Variants in DDHD2 observed in about 807,000 individuals in gnomAD.
DDHD2 encodes DDHD domain containing 2.
Under a neutral mutation model 91.2 loss-of-function variants are expected in DDHD2, and 62 were observed. The ratio of observed to expected loss-of-function variants is 0.68; its 90% confidence interval spans 0.55 to 0.84. The LOEUF (loss-of-function observed/expected upper bound fraction) is 0.84. DDHD2 is among the 40% of genes least tolerant of loss of function. The probability of loss-of-function intolerance (pLI) is 0.00; values close to 1 mark genes in which losing one functional copy is unlikely to be tolerated. For synonymous variants in DDHD2, 271 were observed against 293.9 expected (o/e 0.92, Z 0.80); for missense variants, 740 against 846.9 (o/e 0.87, Z 1.57).
intron 7 of DDHD2, among the ~76,000 whole-genome samples, chr8:38,244,049 C>T (rs1477333880): frequency 2.0e-5 from 3 of 151,624 alleles, no homozygotes; most frequent in Admixed American, 1.3e-4. Flanking sequence ...GTGATCCGCC[C>T]GTCTTGGCCT....
chr8:38,247,085 T>C (rs564486950), intron 9 of DDHD2: 1 of 152,362 alleles, frequency 6.6e-6, no homozygotes, highest in South Asian at 2.1e-4. Context: ...AGAGCAGAGC[T>C]TTTGTCTTAG....
intron 6 of DDHD2, chr8:38,241,944 C>A: frequency 4.4e-6 from 1 of 226,354 alleles, no homozygotes; most frequent in Non-Finnish European, 8.5e-6. Flanking sequence ...ATCCCAGATC[C>A]TCAAGAGGCT....
chr8:38,249,461 T>G (rs567056721), intron 10 of DDHD2, among the ~76,000 whole-genome samples: 4 of 151,876 alleles, frequency 2.6e-5, no homozygotes, highest in South Asian at 2.1e-4. Context: ...CTCTGTTTTT[T>G]TTTTTTTTTT....
At chr8:38,268,526 A>G (rs1006676809) in intron 1 of DDHD2, 4 of 1,539,278 alleles carry the variant, frequency 2.6e-6, no homozygotes, top group African/African-American at 1.4e-5. Flanking sequence ...TCCTACAGGA[A>G]AGAGGGATGT....
chr8:38,255,427 T>TC (rs1806442916), intron 16 of DDHD2: 1 of 405,896 alleles, frequency 2.5e-6, no homozygotes, highest in Non-Finnish European at 4.8e-6. Context: ...GGCAGTACAT[T>TC]CATATGGTTT....
At chr8:38,251,253 G>A (rs1252720746) in intron 11 of DDHD2, 1 of 152,216 alleles carries the variant, frequency 6.6e-6, no homozygotes, top group African/African-American at 2.4e-5. Context: ...ATGTTGGCCA[G>A]GCTGGTCTTG....
At chr8:38,268,542 A>G (rs1358976347) in intron 1 of DDHD2, 1 of 1,528,452 alleles carries the variant, frequency 6.5e-7, no homozygotes, top group Admixed American at 2.0e-5. Flanking sequence ...GATGTGACAC[A>G]GCAGGACTCA....
rs905527552 is a variant in DDHD2 at position 38,237,946 on chromosome 8, C to G, written c.502-143C>G. 26 of 763,506 alleles carry G rather than the reference C, an allele frequency of 3.4e-5. No homozygotes were observed. The African/African-American group carries it at 4.3e-4, about 13-fold the overall frequency. The allele number at this position is 763,506 out of a possible 1,614,324, so 47.3% of individuals were successfully genotyped here. ...TAATATATTTTCACGGTTCTCATTTCAAGCCATACGAGTTGTATATCAAAA... is the reference window on the plus strand; with the variant it reads ...TAATATATTTTCACGGTTCTCATTTGAAGCCATACGAGTTGTATATCAAAA... On this transcript the variant is annotated intron_variant, in intron 4 of 17. Coordinates refer to ENST00000397166, the MANE Select transcript of DDHD2 (RefSeq NM_015214.3).
intron 16 of DDHD2, among the ~76,000 whole-genome samples, chr8:38,254,364 T>C (rs1309466549): frequency 6.6e-6 from 1 of 152,144 alleles, no homozygotes; most frequent in Non-Finnish European, 1.5e-5. Flanking sequence ...ATGGTAGCTG[T>C]GACAGAATTA....
intron 2 of DDHD2, 151 bp from the exon 3 acceptor site, chr8:38,234,243 T>C: frequency 2.1e-6 from 1 of 478,014 alleles, no homozygotes; most frequent in East Asian, 3.4e-5. Context: ...GAAAAAGATA[T>C]GAATTAAATT....
intron 16 of DDHD2, among the ~76,000 whole-genome samples, chr8:38,255,058 G>A (rs1806402857): frequency 6.6e-6 from 1 of 152,052 alleles, no homozygotes; most frequent in African/African-American, 2.4e-5. Context: ...AGCCAGGTGT[G>A]GTGGTGCATG....
At chr8:38,240,995 C>T (rs929008684) in intron 6 of DDHD2, among the ~76,000 whole-genome samples, 7 of 148,042 alleles carry the variant, frequency 4.7e-5, no homozygotes, top group African/African-American at 1.0e-4. Context: ...CACTTAAACT[C>T]GGAGGGCAGA....
At chr8:38,241,351 TCTC>T (rs1359245120) in intron 6 of DDHD2, among the ~76,000 whole-genome samples, 1 of 152,092 alleles carries the variant, frequency 6.6e-6, no homozygotes, top group Non-Finnish European at 1.5e-5. Context: ...ATGAAACAGT[TCTC>T]ATGATGCCGA....
downstream of DDHD2, chr8:38,264,549 C>T (rs756600010): frequency 1.0e-5 from 16 of 1,578,790 alleles, no homozygotes; most frequent in Non-Finnish European, 6.9e-6. Flanking sequence ...GAGGATAATA[C>T]TGCCGATAGC....
chr8:38,241,920 G>T (rs989011904), intron 6 of DDHD2: 3 of 207,672 alleles, frequency 1.4e-5, no homozygotes, highest in African/African-American at 7.1e-5. Flanking sequence ...TGGGCATGGT[G>T]GTATGTGCCT....
rs566191922 is a variant in DDHD2, at chr8:38,238,416, G to C, written c.622+207G>C. The C allele has an allele frequency of 1.2e-4, 160 of 1,297,920 alleles. No individual in the cohort carries two copies. In the African/African-American group the frequency reaches 2.4e-3, roughly 19 times the overall value. The allele number at this position is 1,297,920 out of a possible 1,614,324, so 80.4% of individuals were successfully genotyped here. ...ATCTTTTAAAACATATGGTAGGATG[G>C]GTAAAATTTGGCAATACTATCCAGG... On this transcript the variant is annotated intron_variant, in intron 5 of 17. Coordinates refer to ENST00000397166, the MANE Select transcript of DDHD2 (RefSeq NM_015214.3).
chr8:38,245,812 GTCT>G lies in DDHD2; in HGVS notation c.926_928del (p.Phe309del). The G allele has an allele frequency of 1.9e-6, 3 of 1,614,168 alleles. No individual in the cohort carries two copies. Among genetic ancestry groups the G allele is most frequent in the Admixed American group, 1.7e-5 (1 of 60,026 alleles). On this transcript the variant is annotated inframe_deletion, in exon 8 of 18. Coordinates refer to ENST00000397166, the MANE Select transcript of DDHD2 (RefSeq NM_015214.3). The stretch of plus-strand genomic sequence containing the variant: ...CTTCACCAATGACACAATTCTGGAT[GTCT>G]TCTTCTACAATAGTCCCACCTACTG...
chr8:38,246,866 A>G (rs1805673531), intron 9 of DDHD2: 1 of 152,828 alleles, frequency 6.5e-6, no homozygotes, highest in Admixed American at 6.5e-5. Context: ...TGATCTGTTA[A>G]TAGAGTTATG....
chr8:38,269,090 C>T (rs1262251317), intron 1 of DDHD2: 2 of 1,525,904 alleles, frequency 1.3e-6, no homozygotes, highest in African/African-American at 2.8e-5. Flanking sequence ...GCCTGGGAAG[C>T]GGGGCCGCCC....
Sources: gnomAD v4.1 joint callset for allele counts (sites outside exome capture counted in the v4.1 genomes callset) on GRCh38, gnomAD v4.1.1 for gene constraint, MANE v1.5 for transcripts, NCBI Gene and HGNC (gene_info 2026-07-23, HGNC 2026-07-21) for gene names.